TLL2: variants seen among roughly 807,000 people sequenced by gnomAD.
TLL2 encodes the protein tolloid-like protein 2.
TLL2 carries 106 observed loss-of-function variants against 123.0 expected under a neutral mutation model. That is an observed-to-expected ratio of 0.86 (90% CI 0.74 to 1.01). The LOEUF is 1.01. Ranked by LOEUF, TLL2 falls within the 50% of genes least tolerant of loss-of-function variation. The pLI, the probability that TLL2 is intolerant of heterozygous loss-of-function variation, is 0.00. For synonymous variants in TLL2, 494 were observed against 516.8 expected (o/e 0.96, Z 0.60); for missense variants, 1,332 against 1,336.7 (o/e 1.00, Z 0.06).
chr10:96,474,988 T>C (rs1159701864), intron 2 of TLL2, among the ~76,000 whole-genome samples: 1 of 152,204 alleles, frequency 6.6e-6, no homozygotes, highest in Non-Finnish European at 1.5e-5. Context: ...TGTCAGTCAA[T>C]AGATTTAGGA....
chr10:96,476,240 A>ATATATATATATATATATATTTTTTTTTT, intron 2 of TLL2, among the ~76,000 whole-genome samples: 2 of 20,494 alleles, frequency 9.8e-5, no homozygotes, highest in Non-Finnish European at 2.0e-4. Context: ...ATATATATAT[A>ATATATATATATATATATATTTTTTTTTT]TTTTATTTTT....
At chr10:96,369,007 C>T (rs934620105) in intron 20 of TLL2, among the ~76,000 whole-genome samples, 4 of 152,136 alleles carry the variant, frequency 2.6e-5, no homozygotes, top group African/African-American at 7.2e-5. Context: ...GGGAATTATT[C>T]AAAGAAATAT....
rs1184977787 is a variant in TLL2 at position 96,368,107 on chromosome 10, G to T, written c.3029C>A (p.Ala1010Asp). Reference sequence around the variant, plus strand: ...TCAGCACTATTTCTTCATGTGCAGGGCATCCTGGAACTTGGTGCTGGTGTA... The same window carrying T: ...TCAGCACTATTTCTTCATGTGCAGGTCATCCTGGAACTTGGTGCTGGTGTA... ...ARYTSTKFQD[A>D]LHMKK Residue 1010 changes from alanine to aspartate, a missense_variant, in exon 21 of 21, where the codon GCC becomes GAC. Coordinates refer to ENST00000357947, the MANE Select transcript of TLL2 (RefSeq NM_012465.4). The T allele has an allele frequency of 6.2e-7, 1 of 1,614,194 alleles. No homozygotes were observed. Among genetic ancestry groups the T allele is most frequent in the Non-Finnish European group, 8.5e-7 (1 of 1,180,032 alleles).
At chr10:96,400,724 G>T (rs1009760933) in intron 10 of TLL2, among the ~76,000 whole-genome samples, 4 of 152,186 alleles carry the variant, frequency 2.6e-5, no homozygotes, top group Admixed American at 2.0e-4. Flanking sequence ...GTGCATTGTG[G>T]TGATACAGAA....
intron 1 of TLL2, among the ~76,000 whole-genome samples, chr10:96,502,249 G>A (rs1440336244): frequency 3.3e-5 from 5 of 152,188 alleles, no homozygotes; most frequent in Admixed American, 1.3e-4. Context: ...AGAGCACCCC[G>A]GGGCCTGCTG....
At chr10:96,386,300 T>C in intron 14 of TLL2, 85 bp from the exon 15 acceptor site, 1 of 1,328,978 alleles carries the variant, frequency 7.5e-7, no homozygotes, top group Admixed American at 2.5e-5. Flanking sequence ...AGAGCCTTGC[T>C]GTTCTGTAAT....
At chr10:96,500,536 G>A (rs140747932) in intron 1 of TLL2, among the ~76,000 whole-genome samples, 1 of 152,324 alleles carries the variant, frequency 6.6e-6, no homozygotes, top group Non-Finnish European at 1.5e-5. Flanking sequence ...GTTCATGCCT[G>A]TAATCCCAGC....
Position 96,366,885 on chromosome 10 carries a change from G to C in TLL2, c.*1203C>G, listed in dbSNP as rs374489329. 5 of 152,730 alleles carry C rather than the reference G, an allele frequency of 3.3e-5. No individual in the cohort carries two copies. In the South Asian group the frequency reaches 6.2e-4, roughly 19 times the overall value. The allele number at this position is 152,730 out of a possible 1,614,324, so 9.5% of individuals were successfully genotyped here. The stretch of plus-strand genomic sequence containing the variant: ...AAATGCCATTCAAAACTACCTCACT[G>C]TTTAAATTATACCTTGAGGTGCTAA... On this transcript the variant is annotated 3_prime_UTR_variant, in exon 21 of 21. Transcript: ENST00000357947.
chr10:96,427,855 C>T (rs1448544984), intron 5 of TLL2, among the ~76,000 whole-genome samples: 6 of 152,210 alleles, frequency 3.9e-5, no homozygotes, highest in South Asian at 2.1e-4. Context: ...AGTGCAATGG[C>T]GGGATCTCGG....
In TLL2 at chr10:96,373,713, GGCCCAGAA is replaced by G. The variant is rs779103029; in HGVS notation, c.2537_2544del (p.Ile846ThrfsTer48). 6 of 1,614,132 alleles carry G rather than the reference GGCCCAGAA, an allele frequency of 3.7e-6. No homozygotes were observed. Among genetic ancestry groups the G allele is most frequent in the Non-Finnish European group, 4.2e-6 (5 of 1,180,054 alleles). ...TCTGGTTTCTTGCTGCCGCAGAAAC[GGCCCAGAA>G]TGGGGGCCAGGCTGTCCGGCCCGTC... On this transcript the variant is annotated frameshift_variant, in exon 19 of 21. Coordinates refer to ENST00000357947, the MANE Select transcript of TLL2 (RefSeq NM_012465.4). LOFTEE classifies it high-confidence loss of function.
intron 20 of TLL2, among the ~76,000 whole-genome samples, chr10:96,369,379 T>G (rs777165002): frequency 2.6e-5 from 4 of 152,196 alleles, no homozygotes; most frequent in African/African-American, 4.8e-5. Context: ...TTTCAGAGCA[T>G]TTGGTTTTGC....
At chr10:96,433,514 G>A (rs1846764886) in intron 3 of TLL2, among the ~76,000 whole-genome samples, 1 of 152,148 alleles carries the variant, frequency 6.6e-6, no homozygotes, top group South Asian at 2.1e-4. Flanking sequence ...CAAACACAAG[G>A]AGGTTCGATG....
chr10:96,462,271 C>T lies in TLL2; in HGVS notation c.287-16103G>A, dbSNP rs192989036. ...CCAGCCCTTTGCCTCATTGTTCCTT[C>T]CCCTAGTGTTCTAACAGGAGCAGAG... On this transcript the variant is annotated intron_variant, in intron 2 of 20. Transcript: ENST00000357947. 1.6e-3 allele frequency among the ~76,000 whole-genome samples: 249 copies of T among 152,310 alleles called. 1 individual carries two copies. The highest frequency in any genetic ancestry group is 6.8e-3 in the Middle Eastern group (2 of 294).
intron 2 of TLL2, among the ~76,000 whole-genome samples, chr10:96,455,652 A>C (rs1847006971): frequency 6.6e-6 from 1 of 152,116 alleles, no homozygotes; most frequent in African/African-American, 2.4e-5. Context: ...TGCCATGGCA[A>C]CATCATGAAG....
chr10:96,434,840 T>A (rs78950253), intron 3 of TLL2, among the ~76,000 whole-genome samples: 2 of 152,242 alleles, frequency 1.3e-5, no homozygotes, highest in Admixed American at 1.3e-4. Flanking sequence ...CACATCCTCG[T>A]CAACACTTGT....
intron 16 of TLL2, among the ~76,000 whole-genome samples, chr10:96,380,554 G>A (rs559536061): frequency 5.3e-5 from 8 of 151,948 alleles, no homozygotes; most frequent in Admixed American, 3.3e-4. Flanking sequence ...TTAGCCGGGC[G>A]TGGTGGCGGG....
chr10:96,504,101 C>T (rs530263834), intron 1 of TLL2, among the ~76,000 whole-genome samples: 83 of 152,216 alleles, frequency 5.5e-4, no homozygotes, highest in Middle Eastern at 3.4e-3. Context: ...CCATCTCCTG[C>T]GAGTGCTCCC....
Position 96,364,824 on chromosome 10 carries a change from A to C in TLL2, c.*3264T>G, listed in dbSNP as rs1846008373. 2 of 152,590 alleles carry C rather than the reference A, an allele frequency of 1.3e-5. No individual in the cohort carries two copies. The highest frequency in any genetic ancestry group is 1.3e-4 in the Admixed American group (2 of 15,290). 9.5% of individuals were successfully genotyped at this position (152,590 alleles called of 1,614,324 possible). ...TACTCTTCAGAAGTTCGGTCTACAA[A>C]AGAAACTTTAAAAACATCTGCTAAA... is the stretch of plus-strand genomic sequence containing the variant. On this transcript the variant is annotated 3_prime_UTR_variant, in exon 21 of 21. Transcript: ENST00000357947.
At chr10:96,396,158 A>T in intron 11 of TLL2, 138 bp from the exon 12 acceptor site, 2 of 990,174 alleles carry the variant, frequency 2.0e-6, no homozygotes, top group South Asian at 4.3e-5. Flanking sequence ...TCTCCAGCCC[A>T]CAAACACCGC....
Sources: allele counts gnomAD v4.1 joint callset (sites outside exome capture counted in the v4.1 genomes callset), GRCh38; gene constraint gnomAD v4.1.1; transcripts MANE v1.5; gene names NCBI Gene and HGNC (gene_info 2026-07-23, HGNC 2026-07-21).